The following CAPN15 variants were observed in gnomAD, a reference collection of about 807,000 sequenced individuals.
CAPN15 encodes the protein calpain 15, also known as calpain-15.
In CAPN15, 53 loss-of-function variants were observed where a neutral mutation model predicts 97.9. The observed-to-expected ratio is 0.54, with a 90% CI of 0.43 to 0.68. CAPN15 has a LOEUF of 0.68. Among genes scored for constraint, CAPN15 ranks in the 30% least tolerant of loss-of-function variants. The pLI is 0.00. For synonymous variants in CAPN15, 922 were observed against 722.5 expected, an observed-to-expected ratio of 1.28 and a Z score of -4.43; for missense variants, 1,592 against 1,589.8, an observed-to-expected ratio of 1.00 and a Z score of -0.02.
intron 3 of CAPN15, chr16:540,085 C>G (rs1465275462): frequency 1.0e-6 from 1 of 985,330 alleles, no homozygotes; most frequent in African/African-American, 1.7e-5. Context: ...GTGTGTCACT[C>G]TGCCCAGCCG....
Position 551,565 on chromosome 16 carries a change from C to G in CAPN15, c.2246C>G (p.Ser749Cys). The G allele has an allele frequency of 3.7e-6, 6 of 1,611,636 alleles. No homozygotes were observed. Among genetic ancestry groups the G allele is most frequent in the Non-Finnish European group, 5.1e-6 (6 of 1,179,566 alleles). ...CGTTTCTCCTGGAACGGCAGCTGGT[C>G]CGACGAGTGGCCACACTGGCCGGGG... ...WGRFSWNGSW[S>C]DEWPHWPGHL... Residue 749 changes from serine (S) to cysteine (C), a missense_variant, in exon 9 of 14, where the codon TCC (serine) becomes TGC (cysteine). By Grantham distance (112) the Ser-to-Cys change is moderately radical. Transcript: ENST00000219611.
rs1277099995 is a variant in CAPN15 at position 553,975 on chromosome 16, T to A, written c.*459T>A. The A allele has an allele frequency of 2.1e-5, 4 of 186,204 alleles. No homozygotes were observed. The highest frequency in any genetic ancestry group is 1.4e-4 in the South Asian group (1 of 6,988). The allele number at this position is 186,204 out of a possible 1,614,324, so 11.5% of individuals were successfully genotyped here. ...TTTTCCCCCAGAGCCCGGGTCCCTG[T>A]CCCCCACAGGGCAGGCGGGGTCCCT... On this transcript the variant is annotated 3_prime_UTR_variant, in exon 14 of 14. Coordinates refer to ENST00000219611, the MANE Select transcript of CAPN15 (RefSeq NM_005632.3).
Position 547,195 on chromosome 16 carries a change from C to A in CAPN15, c.357C>A (p.Ala119=). The part of the protein sequence containing the change: ...RTAGLVATEP[A]RGQCEDKDEE... ...CGGGGCTGGTGGCCACGGAGCCCGC[C>A]AGGGGGCAGTGCGAGGACAAGGACG... Residue 119 remains alanine (A), a synonymous_variant, in exon 4 of 14, where the codon GCC becomes GCA. Transcript: ENST00000219611. The A allele has an allele frequency of 6.5e-7, 1 of 1,532,960 alleles. No homozygotes were observed. Among genetic ancestry groups the A allele is most frequent in the Non-Finnish European group, 8.7e-7 (1 of 1,145,050 alleles). The allele number at this position is 1,532,960 out of a possible 1,614,324, so 95.0% of individuals were successfully genotyped here. A position where few individuals can be genotyped will look rare whatever the true frequency, so the allele number is the denominator to read the frequency against.
chr16:549,570 G>A (rs1230479015), intron 6 of CAPN15, 45 bp from the exon 7 acceptor site: 2 of 1,483,740 alleles, frequency 1.3e-6, no homozygotes, highest in Non-Finnish European at 9.0e-7. Flanking sequence ...AGGGCGGGTA[G>A]TGTGGGGGGC....
intron 3 of CAPN15, chr16:540,225 C>T (rs906447163): frequency 4.6e-5 from 45 of 985,374 alleles, no homozygotes; most frequent in Admixed American, 6.1e-5. Flanking sequence ...CCGCAGAGAC[C>T]GAGTCGGACC....
At chr16:537,352 G>A (rs955297024) in intron 3 of CAPN15, 8 of 985,512 alleles carry the variant, frequency 8.1e-6, no homozygotes, top group African/African-American at 5.2e-5. Context: ...TCTGCCTTGG[G>A]CCTAAAGGCA....
rs750339421 is a variant in CAPN15, at chr16:551,317, C to T, written c.2082C>T (p.Ala694=). 15 of 1,605,212 alleles carry T rather than the reference C, an allele frequency of 9.3e-6. No homozygotes were observed. Among genetic ancestry groups the T allele is most frequent in the South Asian group, 6.6e-5 (6 of 90,614 alleles). The change falls in exon 8 of 14, where the codon GCC becomes GCT. Residue 694 remains alanine, a synonymous_variant. Transcript: ENST00000219611. ...TGCCACACAGGTTCCTCATGGGTGC[C>T]TCCTGTGGCGGGGGCAACATGAAGG... is the stretch of plus-strand genomic sequence containing the variant. ...SSKEAGFLMG[A]SCGGGNMKVD...
intron 3 of CAPN15, among the ~76,000 whole-genome samples, chr16:543,095 A>G (rs2034260011): frequency 6.6e-6 from 1 of 151,976 alleles, no homozygotes; most frequent in Admixed American, 6.5e-5. Context: ...CCAGGCTGCA[A>G]TGAGCTGCGA....
intron 3 of CAPN15, chr16:538,304 T>C (rs2033871319): frequency 9.4e-6 from 1 of 106,352 alleles, no homozygotes; most frequent in Non-Finnish European, 1.9e-5. Flanking sequence ...GTTTTTTTTT[T>C]TGATTTTTTT....
Position 536,016 on chromosome 16 carries a change from C to CGGGGGTT in CAPN15, c.-136-13_-136-12insGGGGGTT. ...GTGCCCCTGCACGCCCCCCCCCCCC[C>CGGGGGTT]CCGGTTATTCAGACAGGGAGCCAGG... On this transcript the variant is annotated splice_polypyrimidine_tract_variant and intron_variant, in intron 2 of 13. Transcript: ENST00000219611. 3.8e-6 allele frequency: 1 copy of CGGGGGTT among 260,760 alleles called. No homozygotes were observed. Among genetic ancestry groups the CGGGGGTT allele is most frequent in the Non-Finnish European group, 5.4e-6 (1 of 186,400 alleles). The allele number at this position is 260,760 out of a possible 1,614,324, so 16.2% of individuals were successfully genotyped here. A position where few individuals can be genotyped will look rare whatever the true frequency, so the allele number is the denominator to read the frequency against.
At chr16:544,479 C>G (rs2034389375) in intron 3 of CAPN15, among the ~76,000 whole-genome samples, 1 of 152,146 alleles carries the variant, frequency 6.6e-6, no homozygotes, top group Non-Finnish European at 1.5e-5. Context: ...GGCCCGCGGC[C>G]TCCACGCTCC....
chr16:549,065 G>T lies in CAPN15; in HGVS notation c.1522G>T (p.Val508Leu). The change falls in exon 5 of 14, where the codon GTG becomes TTG. Residue 508 changes from valine (V) to leucine (L), a missense_variant. Transcript: ENST00000219611. ...ESVGFPAGDS[V>L]QQRVRQWLRP... ...TGTCGGCTTCCCCGCGGGTGACAGC[G>T]TGCAGCAGCGTGTGAGGCAGTGGCT... 1 of 1,612,672 alleles carries T rather than the reference G, an allele frequency of 6.2e-7. No homozygotes were observed. The highest frequency in any genetic ancestry group is 8.5e-7 in the Non-Finnish European group (1 of 1,179,938).
intron 3 of CAPN15, among the ~76,000 whole-genome samples, chr16:543,835 C>T (rs1197478253): frequency 6.6e-6 from 1 of 152,196 alleles, no homozygotes; most frequent in African/African-American, 2.4e-5. Context: ...GAAGAGCTGC[C>T]TGCCTGGCTC....
rs2035303621 is a variant in CAPN15, at chr16:554,348, C to T, written c.*832C>T. 1.6e-5 allele frequency: 6 copies of T among 372,010 alleles called. No homozygotes were observed. Among genetic ancestry groups the T allele is most frequent in the South Asian group, 4.0e-5 (2 of 50,186 alleles). 23.0% of individuals were successfully genotyped at this position (372,010 alleles called of 1,614,324 possible). A position where few individuals can be genotyped will look rare whatever the true frequency, so the allele number is the denominator to read the frequency against. On this transcript the variant is annotated 3_prime_UTR_variant, in exon 14 of 14. Transcript: ENST00000219611. ...GTGGACGTCTGAGCCCAGCTTTCTG[C>T]GTGCCCTCCTGGCCCCTCACTCCCG... is the stretch of plus-strand genomic sequence containing the variant.
chr16:536,579 C>T (rs763292154), intron 3 of CAPN15, among the ~76,000 whole-genome samples: 13 of 152,162 alleles, frequency 8.5e-5, no homozygotes, highest in Admixed American at 2.0e-4. Flanking sequence ...CCCGCCACCA[C>T]GCCCAGCTAA....
rs115814729 is a variant in CAPN15, at chr16:535,984, G to A, written c.-136-45G>A. On this transcript the variant is annotated intron_variant, in intron 2 of 13. Coordinates refer to ENST00000219611, the MANE Select transcript of CAPN15 (RefSeq NM_005632.3). This position sits in a 1 kb window ranked among gnomAD's most constrained non-coding sequence, Gnocchi z 6.2. ...TCGGCCTGGCCTGGGCACACTCCTT[G>A]GTGACAGTGCCCCTGCACGCCCCCC... is the stretch of plus-strand genomic sequence containing the variant. 5.0e-3 allele frequency: 2,962 copies of A among 597,356 alleles called. 104 individuals are homozygous for A. The African/African-American group carries it at 0.067, about 13-fold the overall frequency. The allele number at this position is 597,356 out of a possible 1,614,324, so 37.0% of individuals were successfully genotyped here.
At chr16:541,287 T>C (rs2141999083) in intron 3 of CAPN15, among the ~76,000 whole-genome samples, 1 of 152,302 alleles carries the variant, frequency 6.6e-6, no homozygotes, top group African/African-American at 2.4e-5. Context: ...ATGCAGGGGA[T>C]TAGCCAGGGG....
Position 552,393 on chromosome 16 carries a change from G to T in CAPN15, c.2600G>T (p.Arg867Leu). 2 of 1,606,314 alleles carry T rather than the reference G, an allele frequency of 1.2e-6. No homozygotes were observed. The highest frequency in any genetic ancestry group is 1.7e-6 in the Non-Finnish European group (2 of 1,178,762). ...FGSGGHLSLG[R>L]LLAHSKRAVK... The stretch of plus-strand genomic sequence containing the variant: ...AGCGGCGGCCACCTCAGCCTGGGCC[G>T]CCTCCTGGCCCACAGTAAGCGCGCG... The change falls in exon 11 of 14, where the codon CGC becomes CTC. Residue 867 changes from arginine (R) to leucine (L), a missense_variant. Around this residue, in one of 3 missense-constraint regions of CAPN15, gnomAD observed 644 missense variants for 699.6 expected, o/e 0.92. Coordinates refer to ENST00000219611, the MANE Select transcript of CAPN15 (RefSeq NM_005632.3). This position sits in a 1 kb window ranked among gnomAD's most constrained non-coding sequence, Gnocchi z 6.4.
Position 548,987 on chromosome 16 carries a change from C to T in CAPN15, c.1450-6C>T. On this transcript the variant is annotated splice_polypyrimidine_tract_variant and splice_region_variant and intron_variant, in intron 4 of 13. Coordinates refer to ENST00000219611, the MANE Select transcript of CAPN15 (RefSeq NM_005632.3). ...CAGCCTGAGCACATGGCCGTGGTCTCTGCAGAACAATGTGAGCTTCGTGGA... is the reference window on the plus strand; with the variant it reads ...CAGCCTGAGCACATGGCCGTGGTCTTTGCAGAACAATGTGAGCTTCGTGGA... 6.2e-7 allele frequency: 1 copy of T among 1,612,592 alleles called. No homozygotes were observed. The highest frequency in any genetic ancestry group is 1.1e-5 in the South Asian group (1 of 91,072).
Sources: allele counts gnomAD v4.1 joint callset (sites outside exome capture counted in the v4.1 genomes callset), GRCh38; gene constraint gnomAD v4.1.1; regional missense constraint gnomAD v4.1.1; non-coding constraint Gnocchi (gnomAD v3.1); transcripts MANE v1.5; gene names NCBI Gene and HGNC (gene_info 2026-07-23, HGNC 2026-07-21).